CAPRIN2: variants seen among roughly 807,000 people sequenced by gnomAD.
CAPRIN2 encodes caprin-2.
CAPRIN2 carries 66 observed loss-of-function variants against 130.4 expected under a neutral mutation model. The observed-to-expected ratio is 0.51, with a 90% CI of 0.42 to 0.62. The LOEUF is 0.62. Among genes scored for constraint, CAPRIN2 ranks in the 20% least tolerant of loss-of-function variants. The probability of loss-of-function intolerance (pLI) is 0.00; values close to 1 mark genes in which losing one functional copy is unlikely to be tolerated. For synonymous variants in CAPRIN2, 471 were observed against 444.1 expected, an observed-to-expected ratio of 1.06 and a Z score of -0.76; for missense variants, 1,185 against 1,246.6, an observed-to-expected ratio of 0.95 and a Z score of 0.74.
At chr12:30,713,303 G>A (rs7305665) in intron 15 of CAPRIN2, among the ~76,000 whole-genome samples, 8,803 of 151,638 alleles carry the variant, frequency 0.058, 862 homozygotes, top group African/African-American at 0.2. Context: ...AAATATGCTG[G>A]GTTCTTCAAG....
intron 3 of CAPRIN2, among the ~76,000 whole-genome samples, chr12:30,739,808 T>A (rs1301365278): frequency 1.3e-5 from 2 of 152,170 alleles, no homozygotes; most frequent in Non-Finnish European, 2.9e-5. Flanking sequence ...CCCAGACTAT[T>A]GTAAAAATCA....
At chr12:30,749,726 A>G (rs2072748681) in intron 2 of CAPRIN2, among the ~76,000 whole-genome samples, 1 of 152,238 alleles carries the variant, frequency 6.6e-6, no homozygotes, top group South Asian at 2.1e-4. Context: ...CGGATAGGCA[A>G]CTGGACACAG....
chr12:30,730,341 T>C, intron 6 of CAPRIN2, 59 bp from the exon 8 acceptor site: 1 of 1,161,242 alleles, frequency 8.6e-7, no homozygotes, highest in Non-Finnish European at 1.3e-6. Context: ...TTTAGACAGA[T>C]TACAACTATA....
At chr12:30,744,334 T>A (rs1224341258) in intron 2 of CAPRIN2, among the ~76,000 whole-genome samples, 1 of 152,208 alleles carries the variant, frequency 6.6e-6, no homozygotes, top group Non-Finnish European at 1.5e-5. Flanking sequence ...AATCTGTAGT[T>A]GTTCCCTGCT....
chr12:30,733,009 T>C (rs1264155830), intron 5 of CAPRIN2, among the ~76,000 whole-genome samples: 2 of 152,146 alleles, frequency 1.3e-5, no homozygotes, highest in Non-Finnish European at 2.9e-5. Flanking sequence ...AAGATAGTTA[T>C]AGATATTTGG....
exon 11 of CAPRIN2, chr12:30,723,303 G>T (rs747131353): frequency 6.2e-7 from 1 of 1,611,544 alleles, no homozygotes; most frequent in South Asian, 1.1e-5. Context: ...GACAGATTTT[G>T]TTCTTTAGAT....
chr12:30,754,190 G>C (rs2075264796), exon 1 of CAPRIN2: 1 of 161,846 alleles, frequency 6.2e-6, no homozygotes, highest in Non-Finnish European at 1.4e-5. Flanking sequence ...TTTGCAGACA[G>C]GTACTCTCTC....
chr12:30,728,672 C>T (rs758715014), exon 8 of CAPRIN2: 5 of 1,610,080 alleles, frequency 3.1e-6, no homozygotes, highest in African/African-American at 1.3e-5. Context: ...TGTTCAACTT[C>T]CTGGGCAGCA....
At position 30,709,594 on chromosome 12, in the gene CAPRIN2, C is replaced by G. The variant is rs2053657940; in HGVS notation, c.*308G>C. 4 of 224,346 alleles carry G rather than the reference C, an allele frequency of 1.8e-5. No individual in the cohort carries two copies. The South Asian group carries it at 4.5e-4, about 25-fold the overall frequency. 13.9% of individuals were successfully genotyped at this position (224,346 alleles called of 1,614,324 possible). A position where few individuals can be genotyped will look rare whatever the true frequency, so the allele number is the denominator to read the frequency against. On this transcript the variant is annotated 3_prime_UTR_variant, in exon 17 of 17. Coordinates refer to ENST00000298892, the Ensembl canonical transcript of CAPRIN2. ...ATTGAGGCACAACAAGGCATTGTAA[C>G]TTGCCTGGACTTGAGGCAGTCAGTT...
chr12:30,746,881 G>A (rs2070769091), intron 2 of CAPRIN2, among the ~76,000 whole-genome samples: 1 of 152,214 alleles, frequency 6.6e-6, no homozygotes, highest in African/African-American at 2.4e-5. Flanking sequence ...GATAATTGAT[G>A]GAGCTGGCTA....
exon 1 of CAPRIN2, chr12:30,754,050 A>G (rs181538242): frequency 4.1e-5 from 13 of 316,892 alleles, no homozygotes; most frequent in Non-Finnish European, 7.0e-5. Context: ...CTCAATCCTG[A>G]ACGTTTGGAA....
intron 12 of CAPRIN2, 95 bp downstream of exon 13, chr12:30,720,716 T>C: frequency 1.3e-6 from 1 of 751,736 alleles, no homozygotes; most frequent in Non-Finnish European, 2.3e-6. Flanking sequence ...GTATAAATGT[T>C]ACATCATTCA....
At chr12:30,735,738 A>G (rs924895744) in intron 3 of CAPRIN2, among the ~76,000 whole-genome samples, 1 of 152,220 alleles carries the variant, frequency 6.6e-6, no homozygotes, top group Non-Finnish European at 1.5e-5. Context: ...TTTGTTTCAG[A>G]AGTAAAATTA....
intron 2 of CAPRIN2, among the ~76,000 whole-genome samples, chr12:30,744,069 T>C (rs1355605625): frequency 6.6e-6 from 1 of 152,176 alleles, no homozygotes; most frequent in East Asian, 1.9e-4. Context: ...TAAATGGTTT[T>C]GCCATCCATC....
intron 14 of CAPRIN2, 112 bp downstream of exon 16, chr12:30,714,847 C>G (rs2136514701): frequency 1.3e-6 from 1 of 743,418 alleles, no homozygotes; most frequent in Non-Finnish European, 2.2e-6. Context: ...ACAGGAAATT[C>G]TCTACTACGT....
chr12:30,736,756 CACTT>C (rs1244092682), intron 3 of CAPRIN2, among the ~76,000 whole-genome samples: 1 of 152,186 alleles, frequency 6.6e-6, no homozygotes, highest in Non-Finnish European at 1.5e-5. Context: ...GCATCAATAA[CACTT>C]ACCAAAACTA....
intron 13 of CAPRIN2, chr12:30,715,888 G>C (rs1033775427): frequency 2.5e-5 from 4 of 157,152 alleles, no homozygotes; most frequent in African/African-American, 7.2e-5. Flanking sequence ...TTCATCACTT[G>C]ATTAGCCAAG....
In CAPRIN2 at chr12:30,724,522, T is replaced by C. The variant is rs537776439; in HGVS notation, c.1906-71A>G. Reference sequence around the variant, plus strand: ...TTTAAAAGCTATTACCATTGAATTATTCATGATGCTGCCTATAGTCTATTA... The same window carrying C: ...TTTAAAAGCTATTACCATTGAATTACTCATGATGCTGCCTATAGTCTATTA... On this transcript the variant is annotated intron_variant, in intron 9 of 16. Transcript: ENST00000298892. 9.2e-5 allele frequency: 91 copies of C among 991,144 alleles called. 2 individuals are homozygous for C. The South Asian group carries it at 1.1e-3, about 12-fold the overall frequency. 61.4% of individuals were successfully genotyped at this position (991,144 alleles called of 1,614,324 possible).
Position 30,710,551 on chromosome 12 carries a change from AACAG to A in CAPRIN2, c.2666-85_2666-82del, listed in dbSNP as rs775243740. ...ATATTTAACATTAGTCGGCTACTGAAACAGACAAAGATACATTTTATAGTAAATT... is the reference window on the plus strand; with the variant it reads ...ATATTTAACATTAGTCGGCTACTGAAACAAAGATACATTTTATAGTAAATT... On this transcript the variant is annotated intron_variant, in intron 16 of 16. Transcript: ENST00000298892. The surrounding 1 kb of genome is among the most constrained non-coding windows in gnomAD (Gnocchi z 4.8). 21 of 1,583,700 alleles carry A rather than the reference AACAG, an allele frequency of 1.3e-5. No homozygotes were observed. The highest frequency in any genetic ancestry group is 1.7e-4 in the Middle Eastern group (1 of 5,968).
Sources: allele counts gnomAD v4.1 joint callset (sites outside exome capture counted in the v4.1 genomes callset), GRCh38; gene constraint gnomAD v4.1.1; non-coding constraint Gnocchi (gnomAD v3.1); transcripts MANE v1.5; gene names NCBI Gene and HGNC (gene_info 2026-07-23, HGNC 2026-07-21).